Variants in ZNFX1 observed in about 807,000 individuals in gnomAD.
ZNFX1 encodes NFX1-type zinc finger-containing protein 1.
A neutral mutation model predicts 179.8 loss-of-function variants in ZNFX1; 78 were observed. The ratio of observed to expected loss-of-function variants is 0.43; its 90% CI spans 0.36 to 0.52. ZNFX1 has a LOEUF of 0.52. Among genes scored for constraint, ZNFX1 ranks in the 20% least tolerant of loss-of-function variants. The probability of loss-of-function intolerance (pLI) is 0.00; values close to 1 mark genes in which losing one functional copy is unlikely to be tolerated. For synonymous variants in ZNFX1, 848 were observed against 868.5 expected, an observed-to-expected ratio of 0.98 and a Z score of 0.42; for missense variants, 1,927 against 2,386.6, an observed-to-expected ratio of 0.81 and a Z score of 4.01.
chr20:49,267,906 C>T (rs1276937334), intron 3 of ZNFX1, among the ~76,000 whole-genome samples: 2 of 149,634 alleles, frequency 1.3e-5, no homozygotes, highest in African/African-American at 4.9e-5. Flanking sequence ...TGGAGTCTTG[C>T]TCTGTTGCCC....
In ZNFX1 at chr20:49,248,340, A is replaced by G. The variant is rs2146727104; in HGVS notation, c.4684T>C (p.Cys1562Arg). ...ACCTCATCCATGTGGCAGATCCGGC[A>G]TTTCTTGGGGCATGGCTCCCCACAG... ...GLCGEPCPKKCRICHMDEVTQ... is the reference protein window; with the variant it reads ...GLCGEPCPKKRRICHMDEVTQ... Residue 1562 changes from cysteine to arginine, a missense_variant, in exon 14 of 14, where the codon TGC becomes CGC. Coordinates refer to ENST00000396105, the MANE Select transcript of ZNFX1 (RefSeq NM_021035.3). The surrounding 1 kb of genome is among the most constrained non-coding windows in gnomAD (Gnocchi z 4.6). 1 of 1,614,000 alleles carries G rather than the reference A, an allele frequency of 6.2e-7. No homozygotes were observed. The highest frequency in any genetic ancestry group is 1.1e-5 in the South Asian group (1 of 91,078).
rs1346268625 is a variant in ZNFX1 at position 49,246,689 on chromosome 20, A to G, written c.*578T>C. The G allele has an allele frequency of 3.0e-5, 11 of 363,546 alleles. No individual in the cohort carries two copies. In the East Asian group the frequency reaches 6.1e-4, roughly 20 times the overall value. The allele number at this position is 363,546 out of a possible 1,614,324, so 22.5% of individuals were successfully genotyped here. The stretch of plus-strand genomic sequence containing the variant: ...ATACCACTAGGTGGCCCTAGGTGGA[A>G]GCCCCAAACATGTTCCAGGGAGTCT... On this transcript the variant is annotated 3_prime_UTR_variant, in exon 14 of 14. Transcript: ENST00000396105.
Position 49,271,197 on chromosome 20 carries a change from G to C in ZNFX1, c.615C>G (p.Leu205=). 1.9e-6 allele frequency: 3 copies of C among 1,614,186 alleles called. No individual in the cohort carries two copies. The highest frequency in any genetic ancestry group is 2.2e-5 in the South Asian group (2 of 91,084). ...AGTTTTTCAATATGCCCAGTACATG[G>C]AGAACACTCTGGCGATCCATTTTGG... ...CSSKMDRQSV[L]HVLGILKNSK... is the part of the protein sequence containing the mutation. The change falls in exon 3 of 14, where the codon CTC becomes CTG. Residue 205 remains leucine (L), a synonymous_variant. Transcript: ENST00000396105.
intron 11 of ZNFX1, among the ~76,000 whole-genome samples, chr20:49,253,092 C>G (rs1259261171): frequency 1.3e-5 from 2 of 152,122 alleles, no homozygotes; most frequent in Non-Finnish European, 2.9e-5. Flanking sequence ...ACTAGCATGG[C>G]AGAAGTTGCC....
In ZNFX1 at chr20:49,260,497, C is replaced by A; in HGVS notation, c.2382G>T (p.Thr794=). Residue 794 remains threonine (T), a synonymous_variant, in exon 7 of 14, where the codon ACG becomes ACT. Transcript: ENST00000396105. ...CAGGTCCTGCTGGAGAAACACTTTG[C>A]GTGAAAGAACCGACACCAAGACCTA... ...EWLGLGVGSF[T]QSVSPAGPEN... is the part of the protein sequence containing the mutation. 3 of 1,612,976 alleles carry A rather than the reference C, an allele frequency of 1.9e-6. No individual in the cohort carries two copies. The highest frequency in any genetic ancestry group is 2.2e-5 in the East Asian group (1 of 44,856).
At chr20:49,252,929 T>G (rs1394546952) in intron 11 of ZNFX1, 99 bp from the exon 12 acceptor site, 1 of 903,016 alleles carries the variant, frequency 1.1e-6, no homozygotes, top group Non-Finnish European at 1.8e-6. Flanking sequence ...TTTTCAAGTG[T>G]TGACTATGTG....
At chr20:49,259,557 G>A (rs1260079453) in intron 7 of ZNFX1, among the ~76,000 whole-genome samples, 1 of 151,912 alleles carries the variant, frequency 6.6e-6, no homozygotes, top group African/African-American at 2.4e-5. Context: ...AAGTAGCTGG[G>A]ACTACAGGCA....
intron 2 of ZNFX1, among the ~76,000 whole-genome samples, chr20:49,275,095 C>G (rs1014558877): frequency 9.9e-5 from 15 of 151,430 alleles, no homozygotes; most frequent in Non-Finnish European, 1.9e-4. Flanking sequence ...TGCACTCCAG[C>G]CTGGGCGAAA....
chr20:49,255,127 C>T (rs1159469224), intron 9 of ZNFX1, among the ~76,000 whole-genome samples: 1 of 151,734 alleles, frequency 6.6e-6, no homozygotes, highest in Non-Finnish European at 1.5e-5. Flanking sequence ...TCACTACAAC[C>T]TCCACCTCCG....
chr20:49,248,884 CAG>C lies in ZNFX1; in HGVS notation c.4138_4139del (p.Leu1380GlufsTer12). ...GGTGGCTGCATCTGTGCCCACATCT[CAG>C]AGACTTGGAGCAAGGCTCCTGGCAG... ...FCCQEPCSKS[L>X]RCGHRCSHPC... On this transcript the variant is annotated frameshift_variant, in exon 14 of 14. Coordinates refer to ENST00000396105, the MANE Select transcript of ZNFX1 (RefSeq NM_021035.3). LOFTEE classifies it high-confidence loss of function. This position sits in a 1 kb window ranked among gnomAD's most constrained non-coding sequence, Gnocchi z 4.6. 1 of 1,614,274 alleles carries C rather than the reference CAG, an allele frequency of 6.2e-7. No individual in the cohort carries two copies. Among genetic ancestry groups the C allele is most frequent in the Non-Finnish European group, 8.5e-7 (1 of 1,180,052 alleles).
At chr20:49,256,470 G>A (rs1026947057) in intron 8 of ZNFX1, among the ~76,000 whole-genome samples, 3 of 152,126 alleles carry the variant, frequency 2.0e-5, no homozygotes, top group East Asian at 3.9e-4. Context: ...CTGCTAAAAC[G>A]GTCCTACTGC....
chr20:49,246,659 C>CAG lies in ZNFX1; in HGVS notation c.*606_*607dup. The CAG allele has an allele frequency of 2.9e-6, 1 of 350,254 alleles. No individual in the cohort carries two copies. The highest frequency in any genetic ancestry group is 2.2e-5 in the South Asian group (1 of 46,328). 21.7% of individuals were successfully genotyped at this position (350,254 alleles called of 1,614,324 possible). ...ATAAACATCTGACCAAGTAAAGACCCAGAGATACCACTAGGTGGCCCTAGG... is the reference window on the plus strand; with the variant it reads ...ATAAACATCTGACCAAGTAAAGACCCAGAGAGATACCACTAGGTGGCCCTAGG... On this transcript the variant is annotated 3_prime_UTR_variant, in exon 14 of 14. Transcript: ENST00000396105.
chr20:49,261,659 T>G (rs1385470644), intron 6 of ZNFX1, among the ~76,000 whole-genome samples: 1 of 65,422 alleles, frequency 1.5e-5, no homozygotes, highest in African/African-American at 4.5e-5. Context: ...TTTTTTTTTT[T>G]TTTTTTGAGA....
At chr20:49,271,811 A>G (rs1981412585) in intron 2 of ZNFX1, 61 bp from the exon 3 acceptor site, 1 of 1,509,756 alleles carries the variant, frequency 6.6e-7, no homozygotes, top group Admixed American at 2.3e-5. Context: ...ACCCAACAGA[A>G]CGACAATGAA....
chr20:49,247,728 G>C lies in ZNFX1; in HGVS notation c.5296C>G (p.Leu1766Val). Residue 1766 changes from leucine (L) to valine (V), a missense_variant, in exon 14 of 14, where the codon CTG becomes GTG. By Grantham distance (32) the Leu-to-Val change is conservative (BLOSUM62 1). Coordinates refer to ENST00000396105, the MANE Select transcript of ZNFX1 (RefSeq NM_021035.3). ...LRSEIQRLTY[L>V]VNLLTRYKIA... ...TTGTAGCGGGTCAGAAGGTTCACCA[G>C]GTATGTGAGCCTCTGGATTTCACTT... 6.2e-7 allele frequency: 1 copy of C among 1,614,200 alleles called. No homozygotes were observed. The highest frequency in any genetic ancestry group is 8.5e-7 in the Non-Finnish European group (1 of 1,180,028).
At chr20:49,262,312 A>G (rs185720791) in intron 6 of ZNFX1, among the ~76,000 whole-genome samples, 1 of 151,820 alleles carries the variant, frequency 6.6e-6, no homozygotes, top group Non-Finnish European at 1.5e-5. Flanking sequence ...AGGCCAAGGT[A>G]AGAGAATCGC....
intron 1 of ZNFX1, among the ~76,000 whole-genome samples, chr20:49,277,136 G>A (rs1461452922): frequency 6.6e-6 from 1 of 152,142 alleles, no homozygotes; most frequent in East Asian, 1.9e-4. Context: ...AGGGCACGAA[G>A]AAGAAAATCA....
rs1981376968 is a variant in ZNFX1 at position 49,271,011 on chromosome 20, G to C, written c.801C>G (p.Ser267=). 2 of 1,614,046 alleles carry C rather than the reference G, an allele frequency of 1.2e-6. No individual in the cohort carries two copies. The highest frequency in any genetic ancestry group is 1.1e-5 in the South Asian group (1 of 91,084). Residue 267 remains serine (S), a synonymous_variant, in exon 3 of 14, where the codon TCC becomes TCG. Transcript: ENST00000396105. Reference sequence around the variant, plus strand: ...AGGTTGGCAGGAGGGAAACCAGCATGGAAGTTTCCTGCACAGAGCTGGCAG... The same window carrying C: ...AGGTTGGCAGGAGGGAAACCAGCATCGAAGTTTCCTGCACAGAGCTGGCAG... The part of the protein sequence containing the change: ...VFPASSVQET[S]MLVSLLPTSL...
chr20:49,276,723 C>T (rs780579718), intron 1 of ZNFX1, among the ~76,000 whole-genome samples: 9 of 152,144 alleles, frequency 5.9e-5, no homozygotes, highest in Non-Finnish European at 1.3e-4. Context: ...AGACTGTCTT[C>T]ACTGAGTTCT....
Sources: gnomAD v4.1 joint callset for allele counts (sites outside exome capture counted in the v4.1 genomes callset) on GRCh38, gnomAD v4.1.1 for gene constraint, Gnocchi (gnomAD v3.1) non-coding constraint, MANE v1.5 for transcripts, NCBI Gene and HGNC (gene_info 2026-07-23, HGNC 2026-07-21) for gene names.